The following AP3B1 variants were observed in gnomAD, a reference collection of about 807,000 sequenced individuals.
AP3B1 encodes adaptor related protein complex 3 subunit beta 1.
A neutral mutation model predicts 132.5 loss-of-function variants in AP3B1; 61 were observed. That is an observed-to-expected ratio of 0.46 (90% CI 0.37 to 0.57). AP3B1 has a LOEUF of 0.57. Ranked by LOEUF, AP3B1 falls within the 20% of genes least tolerant of loss-of-function variation. AP3B1 has a pLI of 0.00. For synonymous variants in AP3B1, 388 were observed against 438.3 expected, an observed-to-expected ratio of 0.89 and a Z score of 1.43; for missense variants, 1,120 against 1,289.4, an observed-to-expected ratio of 0.87 and a Z score of 2.01.
chr5:78,132,043 A>C (rs951541477), intron 15 of AP3B1, among the ~76,000 whole-genome samples: 1 of 152,190 alleles, frequency 6.6e-6, no homozygotes, highest in African/African-American at 2.4e-5. Flanking sequence ...ATATGCATTA[A>C]AGACAGTGTG....
chr5:78,030,622 C>G (rs1747536627), intron 24 of AP3B1, among the ~76,000 whole-genome samples: 1 of 152,144 alleles, frequency 6.6e-6, no homozygotes, highest in Admixed American at 6.5e-5. Flanking sequence ...CATATTCACC[C>G]TGTTTGGCCC....
At chr5:78,232,940 C>A (rs1021674552) in intron 3 of AP3B1, among the ~76,000 whole-genome samples, 3 of 152,116 alleles carry the variant, frequency 2.0e-5, no homozygotes, top group Non-Finnish European at 4.4e-5. Flanking sequence ...CTCCTGACGT[C>A]AAGTGATCCA....
At chr5:78,232,740 T>C (rs1746699739) in intron 3 of AP3B1, among the ~76,000 whole-genome samples, 1 of 152,186 alleles carries the variant, frequency 6.6e-6, no homozygotes, top group African/African-American at 2.4e-5. Flanking sequence ...AGAGTCTTGT[T>C]CTGTCTCCCA....
chr5:78,116,560 C>A, intron 17 of AP3B1, among the ~76,000 whole-genome samples: 1 of 148,460 alleles, frequency 6.7e-6, no homozygotes, highest in Non-Finnish European at 1.5e-5. Flanking sequence ...GAAGCAGATA[C>A]AATAACAGCA....
At chr5:78,268,636 A>C (rs998478865) in intron 1 of AP3B1, among the ~76,000 whole-genome samples, 9 of 152,170 alleles carry the variant, frequency 5.9e-5, no homozygotes, top group Non-Finnish European at 1.3e-4. Context: ...TCTTACTCGT[A>C]AACTAATGGA....
chr5:78,271,778 C>T (rs1481545677), intron 1 of AP3B1, among the ~76,000 whole-genome samples: 1 of 152,204 alleles, frequency 6.6e-6, no homozygotes, highest in African/African-American at 2.4e-5. Context: ...TTTAACCCTA[C>T]GTAACGTGGC....
At chr5:78,167,626 T>TACACAC (rs201989787) in intron 11 of AP3B1, among the ~76,000 whole-genome samples, 77 of 142,892 alleles carry the variant, frequency 5.4e-4, no homozygotes, top group East Asian at 2.2e-3. Context: ...GAACATGTTA[T>TACACAC]ATATATACAC....
chr5:78,103,903 AC>A (rs1469327321), intron 20 of AP3B1, among the ~76,000 whole-genome samples: 1 of 152,186 alleles, frequency 6.6e-6, no homozygotes, highest in African/African-American at 2.4e-5. Context: ...AAAATATGTT[AC>A]AATACACCTG....
chr5:78,157,861 T>C (rs1022327418), intron 13 of AP3B1, among the ~76,000 whole-genome samples: 3 of 152,124 alleles, frequency 2.0e-5, no homozygotes, highest in Non-Finnish European at 4.4e-5. Flanking sequence ...GCAGTTCTCC[T>C]GCCACAGCCT....
At chr5:78,180,060 TA>T (rs924786602) in intron 8 of AP3B1, among the ~76,000 whole-genome samples, 1 of 152,094 alleles carries the variant, frequency 6.6e-6, no homozygotes, top group African/African-American at 2.4e-5. Context: ...AAGTACAGCT[TA>T]AGATGGCAAA....
intron 7 of AP3B1, among the ~76,000 whole-genome samples, chr5:78,214,954 T>C (rs1308893641): frequency 6.6e-6 from 1 of 152,156 alleles, no homozygotes; most frequent in African/African-American, 2.4e-5. Flanking sequence ...AAAATCAGTA[T>C]TACTGTCTTG....
intron 2 of AP3B1, among the ~76,000 whole-genome samples, chr5:78,252,923 A>G (rs1747701613): frequency 1.3e-5 from 2 of 152,252 alleles, no homozygotes; most frequent in Admixed American, 1.3e-4. Flanking sequence ...GCCTTGTGCA[A>G]GACCCAGTCC....
chr5:78,092,869 C>T (rs866667774), intron 21 of AP3B1, among the ~76,000 whole-genome samples: 5 of 152,120 alleles, frequency 3.3e-5, no homozygotes, highest in South Asian at 2.1e-4. Flanking sequence ...AGGCTGGTCT[C>T]GAACTCCCAA....
At chr5:78,076,889 T>G (rs1330055031) in intron 22 of AP3B1, among the ~76,000 whole-genome samples, 1 of 152,206 alleles carries the variant, frequency 6.6e-6, no homozygotes, top group African/African-American at 2.4e-5. Flanking sequence ...GCCCTAGGTG[T>G]GTCTTCGTTT....
intron 24 of AP3B1, among the ~76,000 whole-genome samples, chr5:78,033,227 A>G (rs1044671759): frequency 6.6e-6 from 1 of 152,058 alleles, no homozygotes; most frequent in African/African-American, 2.4e-5. Context: ...GTTCAGTAAT[A>G]TTGATCTGTG....
At chr5:78,120,839 A>G (rs984527118) in intron 17 of AP3B1, among the ~76,000 whole-genome samples, 5 of 152,208 alleles carry the variant, frequency 3.3e-5, no homozygotes, top group Non-Finnish European at 5.9e-5. Context: ...TGCACCAAGC[A>G]GACCTAATAG....
At chr5:78,140,873 C>G (rs1753116825) in intron 15 of AP3B1, among the ~76,000 whole-genome samples, 1 of 152,220 alleles carries the variant, frequency 6.6e-6, no homozygotes, top group South Asian at 2.1e-4. Flanking sequence ...ACATCGACTT[C>G]AGACTTTATA....
At chr5:78,113,684 A>G (rs1208429266) in intron 19 of AP3B1, 68 bp downstream of exon 19, 1 of 1,567,430 alleles carries the variant, frequency 6.4e-7, no homozygotes, top group Non-Finnish European at 8.7e-7. Context: ...GATTAATAAG[A>G]AACATCTCTG....
At chr5:78,087,769 T>C (rs1315002507) in intron 22 of AP3B1, 1 of 814,568 alleles carries the variant, frequency 1.2e-6, no homozygotes, top group African/African-American at 1.9e-5. Context: ...TTTTCTAATC[T>C]CAACTGCTTT....
Sources: gnomAD v4.1 joint callset for allele counts (sites outside exome capture counted in the v4.1 genomes callset) on GRCh38, gnomAD v4.1.1 for gene constraint, MANE v1.5 for transcripts, NCBI Gene and HGNC (gene_info 2026-07-23, HGNC 2026-07-21) for gene names.